GAP43: variants seen among roughly 807,000 people sequenced by gnomAD.
The protein encoded by GAP43 is neuromodulin.
A neutral mutation model predicts 18.6 loss-of-function variants in GAP43; 6 were observed. The observed-to-expected ratio is 0.32, with a 90% confidence interval of 0.18 to 0.64. The LOEUF is 0.64. Ranked by LOEUF, GAP43 falls within the 30% of genes least tolerant of loss-of-function variation. The probability of loss-of-function intolerance (pLI) is 0.78; values close to 1 mark genes in which losing one functional copy is unlikely to be tolerated. For missense variants in GAP43, 292 were observed against 295.5 expected, an observed-to-expected ratio of 0.99 and a Z score of 0.09; for synonymous variants, 115 against 111.4, an observed-to-expected ratio of 1.03 and a Z score of -0.20.
At chr3:115,713,600 G>A (rs1351002926) in intron 2 of GAP43, among the ~76,000 whole-genome samples, 1 of 152,196 alleles carries the variant, frequency 6.6e-6, no homozygotes, top group Non-Finnish European at 1.5e-5. Context: ...AGAATGCATC[G>A]ACATGCTATT....
intron 2 of GAP43, among the ~76,000 whole-genome samples, chr3:115,709,011 G>T (rs1357964798): frequency 7.4e-6 from 1 of 135,378 alleles, no homozygotes; most frequent in African/African-American, 2.8e-5. Context: ...TCTGAAATAG[G>T]TATTATTTAT....
intron 2 of GAP43, among the ~76,000 whole-genome samples, chr3:115,715,347 C>T (rs1022867162): frequency 5.3e-5 from 8 of 152,144 alleles, no homozygotes; most frequent in South Asian, 2.1e-4. Flanking sequence ...GGATTTCAGC[C>T]GTCACACTAG....
At chr3:115,659,874 G>T (rs528658769) in intron 1 of GAP43, among the ~76,000 whole-genome samples, 1 of 152,194 alleles carries the variant, frequency 6.6e-6, no homozygotes, top group African/African-American at 2.4e-5. Context: ...AGTGATTCGC[G>T]TATCTTATTT....
chr3:115,663,646 C>T, intron 1 of GAP43: 5 of 1,426,696 alleles, frequency 3.5e-6, no homozygotes, highest in Non-Finnish European at 4.6e-6. Context: ...ACACCTCAGC[C>T]CTTGCTTAAA....
intron 2 of GAP43, among the ~76,000 whole-genome samples, chr3:115,682,009 A>G (rs1708963133): frequency 6.6e-6 from 1 of 152,234 alleles, no homozygotes; most frequent in South Asian, 2.1e-4. Flanking sequence ...ACAATGTGTT[A>G]TAATATAAGA....
At chr3:115,683,141 GCGCGCGCACA>G (rs879159252) in intron 2 of GAP43, among the ~76,000 whole-genome samples, 122 of 121,388 alleles carry the variant, frequency 1.0e-3, no homozygotes, top group African/African-American at 3.5e-3. Context: ...GCGTGCGCGC[GCGCGCGCACA>G]CACACACACA....
chr3:115,710,179 G>T lies in GAP43; in HGVS notation c.629-10615G>T, dbSNP rs184439280. Among the ~76,000 whole-genome samples the T allele has an allele frequency of 1.4e-3, 219 of 151,852 alleles. 1 individual carries two copies. Among genetic ancestry groups the T allele is most frequent in the Non-Finnish European group, 1.8e-3 (124 of 67,900 alleles). ...GTGTAGATAACTTATGGTTACCATA[G>T]AAATTGAAAGTTTCCCAAAAGTTTG... On this transcript the variant is annotated intron_variant, in intron 2 of 2. Coordinates refer to ENST00000305124, the MANE Select transcript of GAP43 (RefSeq NM_002045.4).
At chr3:115,651,649 C>A (rs1708519123) in intron 1 of GAP43, among the ~76,000 whole-genome samples, 1 of 152,134 alleles carries the variant, frequency 6.6e-6, no homozygotes, top group South Asian at 2.1e-4. Flanking sequence ...CTGATAAACA[C>A]CTCAAAAGCA....
At chr3:115,708,523 G>A (rs1709393595) in intron 2 of GAP43, among the ~76,000 whole-genome samples, 1 of 152,176 alleles carries the variant, frequency 6.6e-6, no homozygotes, top group South Asian at 2.1e-4. Context: ...GAGAGTGAGA[G>A]AAAAGAGGAT....
At chr3:115,650,386 G>T (rs531886762) in intron 1 of GAP43, among the ~76,000 whole-genome samples, 104 of 152,258 alleles carry the variant, frequency 6.8e-4, no homozygotes, top group South Asian at 1.5e-3. Flanking sequence ...GTGCACACAT[G>T]AAGTTTCAGA....
intron 2 of GAP43, among the ~76,000 whole-genome samples, chr3:115,719,924 T>C (rs1255905325): frequency 6.6e-6 from 1 of 152,156 alleles, no homozygotes; most frequent in East Asian, 1.9e-4. Context: ...GTTGACTGAG[T>C]TCTGTCGGGA....
chr3:115,685,536 T>C (rs1343818239), intron 2 of GAP43, among the ~76,000 whole-genome samples: 1 of 152,218 alleles, frequency 6.6e-6, no homozygotes, highest in Non-Finnish European at 1.5e-5. Context: ...CATTCCTTAA[T>C]GCAAACATAA....
intron 2 of GAP43, among the ~76,000 whole-genome samples, chr3:115,702,827 G>A (rs1709312738): frequency 6.6e-6 from 1 of 152,114 alleles, no homozygotes; most frequent in Non-Finnish European, 1.5e-5. Flanking sequence ...ATTTTTGTCA[G>A]CAGTTTCAGG....
At chr3:115,654,570 G>T (rs1371422264) in intron 1 of GAP43, among the ~76,000 whole-genome samples, 3 of 152,130 alleles carry the variant, frequency 2.0e-5, no homozygotes, top group African/African-American at 7.2e-5. Flanking sequence ...ATCACACACA[G>T]TCACACTTTC....
intron 1 of GAP43, among the ~76,000 whole-genome samples, chr3:115,624,128 A>G (rs1708152788): frequency 6.6e-6 from 1 of 152,118 alleles, no homozygotes; most frequent in Admixed American, 6.5e-5. Context: ...AATAATATTC[A>G]GAACTGAGTA....
chr3:115,708,013 A>G (rs886302138), intron 2 of GAP43, among the ~76,000 whole-genome samples: 4 of 33,048 alleles, frequency 1.2e-4, no homozygotes, highest in African/African-American at 2.8e-4. Flanking sequence ...ACACACACAC[A>G]CATATATATA....
chr3:115,677,618 A>C (rs961934621), intron 2 of GAP43, among the ~76,000 whole-genome samples: 1 of 152,198 alleles, frequency 6.6e-6, no homozygotes, highest in African/African-American at 2.4e-5. Flanking sequence ...AATACTTTCC[A>C]GCCCCAAAGA....
intron 1 of GAP43, among the ~76,000 whole-genome samples, chr3:115,645,762 A>G (rs1030327895): frequency 2.0e-5 from 3 of 152,166 alleles, no homozygotes; most frequent in African/African-American, 7.2e-5. Context: ...AAATGAAATA[A>G]CTATATTTGT....
At chr3:115,633,045 G>A (rs1352129224) in intron 1 of GAP43, among the ~76,000 whole-genome samples, 2 of 151,590 alleles carry the variant, frequency 1.3e-5, no homozygotes, top group African/African-American at 4.8e-5. Flanking sequence ...GCGATCATAT[G>A]AAATTAGTAA....
Sources: gnomAD v4.1 joint callset for allele counts (sites outside exome capture counted in the v4.1 genomes callset) on GRCh38, gnomAD v4.1.1 for gene constraint, MANE v1.5 for transcripts, NCBI Gene and HGNC (gene_info 2026-07-23, HGNC 2026-07-21) for gene names.